Variants in CTNND2 observed in about 807,000 individuals in gnomAD.
CTNND2 encodes the protein catenin delta 2, also known as catenin delta-2.
CTNND2 carries 22 observed loss-of-function variants against 144.4 expected under a neutral mutation model. The observed-to-expected ratio is 0.15, with a 90% CI of 0.11 to 0.22. CTNND2 has a LOEUF of 0.22. CTNND2 is among the 10% of genes least tolerant of loss of function. The pLI, the probability that CTNND2 is intolerant of heterozygous loss-of-function variation, is 1.00. For synonymous variants in CTNND2, 751 were observed against 695.6 expected (o/e 1.08, Z -1.25); for missense variants, 1,353 against 1,618.8 (o/e 0.84, Z 2.82).
intron 16 of CTNND2, among the ~76,000 whole-genome samples, chr5:11,056,726 G>A (rs1272236823): frequency 6.6e-6 from 1 of 152,228 alleles, no homozygotes; most frequent in Non-Finnish European, 1.5e-5. Context: ...AGCTCAGTGA[G>A]AAGCAGCTTC....
At chr5:11,286,065 G>A (rs1218385604) in intron 9 of CTNND2, among the ~76,000 whole-genome samples, 3 of 151,382 alleles carry the variant, frequency 2.0e-5, no homozygotes, top group African/African-American at 2.4e-5. Context: ...AAAAAAAACA[G>A]ATCCCTACCT....
chr5:11,279,416 T>A (rs540833490), intron 9 of CTNND2, among the ~76,000 whole-genome samples: 16 of 152,240 alleles, frequency 1.1e-4, no homozygotes, highest in African/African-American at 3.9e-4. Flanking sequence ...TACTTCTCAT[T>A]CTCATCCCTG....
chr5:11,485,384 C>CGT, intron 3 of CTNND2, among the ~76,000 whole-genome samples: 1 of 116,516 alleles, frequency 8.6e-6, no homozygotes, highest in Non-Finnish European at 1.7e-5. Flanking sequence ...TGCGCGCGCG[C>CGT]GCGTGCGCGC....
At chr5:11,328,891 C>G (rs1243481703) in intron 9 of CTNND2, among the ~76,000 whole-genome samples, 1 of 152,198 alleles carries the variant, frequency 6.6e-6, no homozygotes, top group Non-Finnish European at 1.5e-5. Context: ...TTTACTGGGC[C>G]TGCCCTGCAA....
chr5:11,511,742 T>C (rs1308561804), intron 3 of CTNND2, among the ~76,000 whole-genome samples: 1 of 152,194 alleles, frequency 6.6e-6, no homozygotes, highest in East Asian at 1.9e-4. Context: ...AATTCTGCTG[T>C]TCCATAGGTT....
intron 15 of CTNND2, among the ~76,000 whole-genome samples, chr5:11,091,754 G>C (rs1277824611): frequency 6.6e-6 from 1 of 152,170 alleles, no homozygotes; most frequent in African/African-American, 2.4e-5. Context: ...TGGATTATGA[G>C]ATTTTCTTCT....
intron 3 of CTNND2, among the ~76,000 whole-genome samples, chr5:11,460,368 C>T (rs1288621855): frequency 6.6e-6 from 1 of 152,216 alleles, no homozygotes; most frequent in Non-Finnish European, 1.5e-5. Context: ...TAATTTCTGG[C>T]ATCCATTGTA....
intron 3 of CTNND2, among the ~76,000 whole-genome samples, chr5:11,486,724 TAATGA>T (rs899634542): frequency 6.6e-6 from 1 of 152,198 alleles, no homozygotes; most frequent in African/African-American, 2.4e-5. Context: ...TCTTCAGCTA[TAATGA>T]ACCTAAATAG....
chr5:11,183,105 T>C (rs1735262856), intron 11 of CTNND2, among the ~76,000 whole-genome samples: 1 of 152,236 alleles, frequency 6.6e-6, no homozygotes, highest in Non-Finnish European at 1.5e-5. Context: ...TATAAATACC[T>C]AGCCATGCTC....
intron 9 of CTNND2, among the ~76,000 whole-genome samples, chr5:11,283,201 G>A (rs1747339842): frequency 6.6e-6 from 1 of 152,076 alleles, no homozygotes; most frequent in African/African-American, 2.4e-5. Flanking sequence ...AAAATCCTGT[G>A]GTTTTAGTCA....
intron 9 of CTNND2, among the ~76,000 whole-genome samples, chr5:11,276,672 C>A (rs996622283): frequency 6.6e-6 from 1 of 152,154 alleles, no homozygotes; most frequent in Non-Finnish European, 1.5e-5. Context: ...GAAAGCAGTG[C>A]GTTTGCAAAT....
intron 10 of CTNND2, among the ~76,000 whole-genome samples, chr5:11,214,266 T>C (rs1234069871): frequency 6.6e-6 from 1 of 152,234 alleles, no homozygotes; most frequent in African/African-American, 2.4e-5. Flanking sequence ...ATGCATGAAA[T>C]GTCAGGTTTA....
chr5:11,218,934 C>T (rs957546393), intron 10 of CTNND2, among the ~76,000 whole-genome samples: 2 of 152,196 alleles, frequency 1.3e-5, no homozygotes, highest in African/African-American at 4.8e-5. Context: ...CCATTTTCAC[C>T]ACAGCTGTCC....
chr5:11,205,312 T>C (rs1488489893), intron 10 of CTNND2, among the ~76,000 whole-genome samples: 1 of 152,170 alleles, frequency 6.6e-6, no homozygotes, highest in Admixed American at 6.5e-5. Flanking sequence ...AGTCCCAATG[T>C]CTGAGAACTG....
chr5:11,140,926 T>C (rs1756665424), intron 12 of CTNND2, among the ~76,000 whole-genome samples: 1 of 152,186 alleles, frequency 6.6e-6, no homozygotes, highest in African/African-American at 2.4e-5. Flanking sequence ...CCTTTTGTAT[T>C]GTCTGATTGC....
chr5:11,159,554 G>A (rs774914779), intron 12 of CTNND2, 22 bp downstream of exon 12: 3 of 1,572,078 alleles, frequency 1.9e-6, no homozygotes, highest in South Asian at 1.2e-5. Flanking sequence ...GTGGGAGGAG[G>A]CACTCGTGAC....
chr5:11,446,559 G>A (rs1764820338), intron 3 of CTNND2, among the ~76,000 whole-genome samples: 1 of 152,148 alleles, frequency 6.6e-6, no homozygotes, highest in Non-Finnish European at 1.5e-5. Context: ...AGGTGACAAA[G>A]GGGTCTCAGA....
At chr5:11,378,509 T>C (rs1462200522) in intron 7 of CTNND2, among the ~76,000 whole-genome samples, 1 of 152,248 alleles carries the variant, frequency 6.6e-6, no homozygotes, top group Non-Finnish European at 1.5e-5. Context: ...TACACTGGAA[T>C]TTTTTAACTT....
chr5:11,899,218 G>C (rs529147704), intron 1 of CTNND2, among the ~76,000 whole-genome samples: 2 of 152,088 alleles, frequency 1.3e-5, no homozygotes, highest in Admixed American at 1.3e-4. Context: ...CATGCTCGGT[G>C]GTTCTAAACA....
Sources: allele counts gnomAD v4.1 joint callset (sites outside exome capture counted in the v4.1 genomes callset), GRCh38; gene constraint gnomAD v4.1.1; transcripts MANE v1.5; gene names NCBI Gene and HGNC (gene_info 2026-07-23, HGNC 2026-07-21).